NAV2: variants seen among roughly 807,000 people sequenced by gnomAD.
NAV2 encodes the protein helicase, APC down-regulated 1.
A neutral mutation model predicts 223.2 loss-of-function variants in NAV2; 54 were observed. That is an observed-to-expected ratio of 0.24 (90% CI 0.19 to 0.30). The LOEUF (loss-of-function observed/expected upper bound fraction) is 0.30, where lower values mean the gene tolerates loss of function less well. Among genes scored for constraint, NAV2 ranks in the 10% least tolerant of loss-of-function variants. The probability of loss-of-function intolerance (pLI) is 1.00; values close to 1 mark genes in which losing one functional copy is unlikely to be tolerated. For missense variants in NAV2, 2,806 were observed against 3,147.5 expected, an observed-to-expected ratio of 0.89 and a Z score of 2.60; for synonymous variants, 1,279 against 1,239.3, an observed-to-expected ratio of 1.03 and a Z score of -0.67.
At chr11:19,478,468 A>T (rs534983706) in intron 1 of NAV2, among the ~76,000 whole-genome samples, 1 of 152,352 alleles carries the variant, frequency 6.6e-6, no homozygotes, top group South Asian at 2.1e-4. Context: ...AAAGAAAAAC[A>T]GCAAGGACCT....
intron 1 of NAV2, among the ~76,000 whole-genome samples, chr11:19,538,950 C>G (rs2044264205): frequency 1.3e-5 from 2 of 151,816 alleles, no homozygotes; most frequent in South Asian, 4.1e-4. Context: ...TGGACTTTGT[C>G]TTGTTCAATA....
chr11:19,714,933 G>A (rs930583522), intron 1 of NAV2, among the ~76,000 whole-genome samples: 4 of 152,196 alleles, frequency 2.6e-5, no homozygotes, highest in Admixed American at 6.5e-5. Flanking sequence ...CCGACCTGAC[G>A]GATGTGACTG....
At chr11:19,606,553 GC>G (rs2046478821) in intron 1 of NAV2, among the ~76,000 whole-genome samples, 1 of 152,106 alleles carries the variant, frequency 6.6e-6, no homozygotes, top group Non-Finnish European at 1.5e-5. Flanking sequence ...CCCAGTCCCA[GC>G]TCCTTGCCTT....
At chr11:20,102,918 T>A (rs937058066) in intron 32 of NAV2, among the ~76,000 whole-genome samples, 36 of 152,308 alleles carry the variant, frequency 2.4e-4, no homozygotes, top group African/African-American at 8.7e-4. Context: ...GCTCCTCTGC[T>A]GCTCTGATGT....
At chr11:19,394,838 C>T (rs558476569) in intron 1 of NAV2, among the ~76,000 whole-genome samples, 1 of 152,258 alleles carries the variant, frequency 6.6e-6, no homozygotes, top group South Asian at 2.1e-4. Flanking sequence ...CATCACACCA[C>T]ACAGGGCTGC....
intron 1 of NAV2, among the ~76,000 whole-genome samples, chr11:19,795,210 T>C (rs2057799171): frequency 3.3e-5 from 5 of 152,234 alleles, no homozygotes; most frequent in Admixed American, 3.3e-4. Context: ...AAATGAGTTG[T>C]GAACATTCTC....
At chr11:20,015,113 A>G (rs1440044806) in intron 11 of NAV2, among the ~76,000 whole-genome samples, 1 of 152,142 alleles carries the variant, frequency 6.6e-6, no homozygotes, top group East Asian at 1.9e-4. Context: ...GTTAATTAAT[A>G]AATAAAAGAC....
intron 6 of NAV2, among the ~76,000 whole-genome samples, chr11:19,913,210 A>G (rs999295486): frequency 6.6e-6 from 1 of 152,336 alleles, no homozygotes. Context: ...CATTTTCAGC[A>G]AAAGAGATGC....
At chr11:19,559,221 G>A (rs1349381357) in intron 1 of NAV2, among the ~76,000 whole-genome samples, 1 of 152,206 alleles carries the variant, frequency 6.6e-6, no homozygotes, top group Non-Finnish European at 1.5e-5. Context: ...CACAGCTGAG[G>A]AGACTGAGGT....
Position 19,521,767 on chromosome 11 carries a change from G to A in NAV2, c.75+170740G>A, listed in dbSNP as rs61877820. On this transcript the variant is annotated intron_variant, in intron 1 of 37. Transcript: ENST00000360655. ...TCCAGATGAGGAAGCAGGAATCAGA[G>A]GGAATAAGTAACGTGCCAACGGTCG... is the stretch of plus-strand genomic sequence containing the variant. Among the ~76,000 whole-genome samples, 441 of 152,306 alleles carry A rather than the reference G, an allele frequency of 2.9e-3. 2 individuals are homozygous for A. The highest frequency in any genetic ancestry group is 7.0e-3 in the South Asian group (34 of 4,828).
intron 1 of NAV2, among the ~76,000 whole-genome samples, chr11:19,694,040 T>C (rs2049258743): frequency 6.6e-6 from 1 of 152,358 alleles, no homozygotes; most frequent in African/African-American, 2.4e-5. Flanking sequence ...GCAATTTACA[T>C]GAATGATGTC....
intron 1 of NAV2, among the ~76,000 whole-genome samples, chr11:19,568,691 G>A (rs145784639): frequency 2.0e-5 from 3 of 152,312 alleles, no homozygotes; most frequent in South Asian, 4.2e-4. Flanking sequence ...AGGAAGGGGA[G>A]CAAAGATGGT....
chr11:19,479,852 G>A (rs1037611572), intron 1 of NAV2, among the ~76,000 whole-genome samples: 9 of 152,240 alleles, frequency 5.9e-5, no homozygotes, highest in Middle Eastern at 3.4e-3. Context: ...GTGCATGTGC[G>A]CACACACACT....
At chr11:20,043,776 A>G (rs2057176154) in intron 12 of NAV2, 5 of 548,784 alleles carry the variant, frequency 9.1e-6, no homozygotes, top group Non-Finnish European at 1.3e-5. Context: ...ATACATTGAT[A>G]TTATTTACTT....
intron 30 of NAV2, 58 bp from the exon 31 acceptor site, chr11:20,097,519 G>A (rs2061360635): frequency 8.7e-6 from 12 of 1,372,950 alleles, no homozygotes; most frequent in Admixed American, 7.2e-5. Context: ...GAAAACATGA[G>A]TCATGGGCAG....
chr11:19,787,522 C>G (rs2057220954), intron 1 of NAV2, among the ~76,000 whole-genome samples: 1 of 151,990 alleles, frequency 6.6e-6, no homozygotes, highest in East Asian at 1.9e-4. Context: ...ATTTCAGAAA[C>G]AAAAAGAACT....
Position 20,106,183 on chromosome 11 carries a change from G to GTATATA in NAV2, c.6841+498_6841+503dup, listed in dbSNP as rs1182631250. 4.3e-3 allele frequency among the ~76,000 whole-genome samples: 109 copies of GTATATA among 25,520 alleles called. 7 individuals carry two copies. The highest frequency in any genetic ancestry group is 0.05 in the Middle Eastern group (1 of 20). 16.7% of individuals were successfully genotyped at this position (25,520 alleles called of 152,430 possible). Reference sequence around the variant, plus strand: ...TATATATATATATATATATGTGTGTGTATATATATATATATATATATATAT... The same window carrying GTATATA: ...TATATATATATATATATATGTGTGTGTATATATATATATATATATATATATATATAT... On this transcript the variant is annotated intron_variant, in intron 35 of 37. Coordinates refer to ENST00000349880, the MANE Select transcript of NAV2 (RefSeq NM_145117.5).
intron 1 of NAV2, among the ~76,000 whole-genome samples, chr11:19,629,746 G>A (rs1202605417): frequency 6.6e-6 from 1 of 152,120 alleles, no homozygotes; most frequent in Non-Finnish European, 1.5e-5. Context: ...GGAAGGACCT[G>A]AATGGGCCTC....
intron 1 of NAV2, among the ~76,000 whole-genome samples, chr11:19,787,268 A>ATT (rs1565315820): frequency 4.4e-4 from 13 of 29,404 alleles, no homozygotes; most frequent in African/African-American, 6.8e-4. Flanking sequence ...TTTTTATTGG[A>ATT]TCTTTTTTTT....
Sources: allele counts gnomAD v4.1 joint callset (sites outside exome capture counted in the v4.1 genomes callset), GRCh38; gene constraint gnomAD v4.1.1; transcripts MANE v1.5; gene names NCBI Gene and HGNC (gene_info 2026-07-23, HGNC 2026-07-21).